PRUNE2: variants seen among roughly 807,000 people sequenced by gnomAD.
The protein encoded by PRUNE2 is prune homolog 2 with BCH domain.
In PRUNE2, 164 loss-of-function variants were observed where a neutral mutation model predicts 252.0. The observed-to-expected ratio is 0.65, with a 90% CI of 0.57 to 0.74. The LOEUF is 0.74. Ranked by LOEUF, PRUNE2 falls within the 30% of genes least tolerant of loss-of-function variation. PRUNE2 has a pLI of 0.00. For missense variants in PRUNE2, 3,495 were observed against 3,711.0 expected, an observed-to-expected ratio of 0.94 and a Z score of 1.51; for synonymous variants, 1,292 against 1,350.2, an observed-to-expected ratio of 0.96 and a Z score of 0.94.
Position 76,705,913 on chromosome 9 carries a change from G to A in PRUNE2, c.6361C>T (p.Leu2121Phe), listed in dbSNP as rs1564093562. ...SEAKQETEKH[L>F]SACMGPEVES... ...ACTTCAGGTCCCATGCAAGCACTGAGGTGCTTCTCAGTCTCTTGCTTTGCT... is the reference window on the plus strand; with the variant it reads ...ACTTCAGGTCCCATGCAAGCACTGAAGTGCTTCTCAGTCTCTTGCTTTGCT... The change falls in exon 8 of 19, where the codon CTC (leucine) becomes TTC (phenylalanine). Residue 2121 changes from leucine to phenylalanine, a missense_variant. By Grantham distance (22) the Leu-to-Phe change is conservative (BLOSUM62 0). Transcript: ENST00000376718. 1 of 1,613,794 alleles carries A rather than the reference G, an allele frequency of 6.2e-7. No individual in the cohort carries two copies. Among genetic ancestry groups the A allele is most frequent in the Non-Finnish European group, 8.5e-7 (1 of 1,179,874 alleles).
Position 76,707,303 on chromosome 9 carries a change from TA to T in PRUNE2, c.4970del (p.Leu1657GlnfsTer42). The T allele has an allele frequency of 6.2e-7, 1 of 1,613,896 alleles. No individual in the cohort carries two copies. Among genetic ancestry groups the T allele is most frequent in the Non-Finnish European group, 8.5e-7 (1 of 1,179,808 alleles). On this transcript the variant is annotated frameshift_variant, in exon 8 of 19. Coordinates refer to ENST00000376718, the MANE Select transcript of PRUNE2 (RefSeq NM_015225.3). LOFTEE classifies it high-confidence loss of function. The stretch of plus-strand genomic sequence containing the variant: ...CATTTTTCTCCTGGTAGCTAGCAAT[TA>T]GATTGCTTTCCTGATGTGTCCCTGA... ...EHSGTHQESN[L>X]IASYQEKNEH...
At chr9:76,680,399 G>A (rs960421318) in intron 9 of PRUNE2, among the ~76,000 whole-genome samples, 4 of 152,168 alleles carry the variant, frequency 2.6e-5, no homozygotes, top group Non-Finnish European at 5.9e-5. Flanking sequence ...AACAAGTGTT[G>A]GTGAGGATAC....
At chr9:76,621,857 AT>A (rs979447603) in intron 17 of PRUNE2, among the ~76,000 whole-genome samples, 1 of 151,680 alleles carries the variant, frequency 6.6e-6, no homozygotes, top group Non-Finnish European at 1.5e-5. Context: ...AATTAAAAAA[AT>A]TTTTTTTTGT....
chr9:76,685,237 G>C (rs897096120), intron 9 of PRUNE2, among the ~76,000 whole-genome samples: 1 of 152,132 alleles, frequency 6.6e-6, no homozygotes. Context: ...AAGATGCTGG[G>C]TTACACTTAG....
intron 7 of PRUNE2, among the ~76,000 whole-genome samples, 200 bp downstream of exon 7, chr9:76,713,363 A>G (rs1035743884): frequency 6.6e-6 from 1 of 152,214 alleles, no homozygotes; most frequent in Non-Finnish European, 1.5e-5. Flanking sequence ...TTCAGTCAAG[A>G]AGAGAAATGC....
rs748513986 is a variant in PRUNE2 at position 76,713,595 on chromosome 9, C to G, written c.883G>C (p.Val295Leu). The change falls in exon 7 of 19, where the codon GTG (valine) becomes CTG (leucine). Residue 295 changes from valine to leucine, a missense_variant. Val to Leu is a conservative substitution (Grantham distance 32). Transcript: ENST00000376718. ...CACAGCTCCATGTTTTCTGAGTACA[C>G]AGCAATCTGTCGTCTCGGCTGCTGC... is the stretch of plus-strand genomic sequence containing the variant. ...EEQQPRRQIA[V>L]YSENMELCSQ... 11 of 1,609,782 alleles carry G rather than the reference C, an allele frequency of 6.8e-6. No individual in the cohort carries two copies. Among genetic ancestry groups the G allele is most frequent in the Non-Finnish European group, 9.3e-6 (11 of 1,178,094 alleles).
Position 76,706,881 on chromosome 9 carries a change from A to G in PRUNE2, c.5393T>C (p.Val1798Ala). The G allele has an allele frequency of 6.3e-7, 1 of 1,595,862 alleles. No homozygotes were observed. The highest frequency in any genetic ancestry group is 8.5e-7 in the Non-Finnish European group (1 of 1,171,200). The change falls in exon 8 of 19, where the codon GTT becomes GCT. Residue 1798 changes from valine to alanine, a missense_variant. Coordinates refer to ENST00000376718, the MANE Select transcript of PRUNE2 (RefSeq NM_015225.3). The stretch of plus-strand genomic sequence containing the variant: ...AGCTTTGGGAGATATTTGCCATGCA[A>G]CATCTCCTGTTGTCCCTGTTTCTGG... ...SSPETGTTGD[V>A]AWQISPKASF... is the part of the protein sequence containing the mutation.
At chr9:76,815,976 C>G (rs1469468584) in intron 6 of PRUNE2, among the ~76,000 whole-genome samples, 1 of 151,918 alleles carries the variant, frequency 6.6e-6, no homozygotes. Context: ...GCCTGGCCAA[C>G]ATGATGAAAC....
At position 76,709,242 on chromosome 9, in the gene PRUNE2, G is replaced by A. The variant is rs763773280; in HGVS notation, c.3032C>T (p.Pro1011Leu). ...AGATGACTGTTGCAGTGACTGAGGA[G>A]GAATGTCAGTCTCCTCTGCCGTGGA... ...GNSTAEETDI[P>L]PQSLQQSSRN... The change falls in exon 8 of 19, where the codon CCT becomes CTT. Residue 1011 changes from proline (P) to leucine (L), a missense_variant. By Grantham distance (98) the Pro-to-Leu change is moderately conservative. Transcript: ENST00000376718. The A allele has an allele frequency of 1.3e-6, 2 of 1,535,768 alleles. No individual in the cohort carries two copies. Among genetic ancestry groups the A allele is most frequent in the Non-Finnish European group, 1.8e-6 (2 of 1,141,554 alleles).
intron 12 of PRUNE2, 105 bp from the exon 13 acceptor site, chr9:76,638,393 G>A: frequency 1.4e-6 from 1 of 737,498 alleles, no homozygotes; most frequent in Non-Finnish European, 2.4e-6. Flanking sequence ...TGTCTTTGTG[G>A]GTATATTAGC....
In PRUNE2 at chr9:76,705,550, G is replaced by T; in HGVS notation, c.6724C>A (p.Pro2242Thr). ...CAAGAACCGTCACCTTCTGGAGTTG[G>T]CTCTTGGTGAGTTACAAAAATGCTA... ...ATSIFVTHQEPTPEGDGSWIS... is the reference protein window; with the variant it reads ...ATSIFVTHQETTPEGDGSWIS... The change falls in exon 8 of 19, where the codon CCA (proline) becomes ACA (threonine). Residue 2242 changes from proline to threonine, a missense_variant. Physicochemically the swap from Pro to Thr is conservative, Grantham distance 38. Transcript: ENST00000376718. 6 of 1,614,026 alleles carry T rather than the reference G, an allele frequency of 3.7e-6. No homozygotes were observed. Among genetic ancestry groups the T allele is most frequent in the Non-Finnish European group, 5.1e-6 (6 of 1,179,894 alleles).
At chr9:76,767,208 T>C (rs1254781966) in intron 6 of PRUNE2, among the ~76,000 whole-genome samples, 2 of 152,134 alleles carry the variant, frequency 1.3e-5, no homozygotes, top group African/African-American at 4.8e-5. Context: ...TCCCAGCACT[T>C]TGGGAGGCCG....
intron 16 of PRUNE2, among the ~76,000 whole-genome samples, chr9:76,627,299 C>T (rs786314): frequency 6.0e-5 from 8 of 133,656 alleles, no homozygotes; most frequent in East Asian, 2.3e-4. Flanking sequence ...GATGGGGTGG[C>T]GGGGGGCTCA....
chr9:76,652,509 G>A lies in PRUNE2; in HGVS notation c.8531C>T (p.Ala2844Val). 6 of 1,613,158 alleles carry A rather than the reference G, an allele frequency of 3.7e-6. No individual in the cohort carries two copies. The highest frequency in any genetic ancestry group is 5.1e-6 in the Non-Finnish European group (6 of 1,179,230). The change falls in exon 11 of 19, where the codon GCA becomes GTA. Residue 2844 changes from alanine to valine, a missense_variant. Transcript: ENST00000376718. ...ATGGCCAGTGTACTCAAAAGAATCT[G>A]CTTCATCGGGGGTATCAAGTTCATC... Reference protein sequence around the residue: ...NVDELDTPDEADSFEYTGHDP... With the variant: ...NVDELDTPDEVDSFEYTGHDP...
At chr9:76,862,623 C>G (rs1189212096) in intron 1 of PRUNE2, 2 of 152,154 alleles carry the variant, frequency 1.3e-5, no homozygotes, top group South Asian at 4.1e-4. Context: ...CCCCGCTACA[C>G]ACACATAGCA....
intron 1 of PRUNE2, chr9:76,862,792 T>A (rs115198558): frequency 1.3e-5 from 2 of 152,208 alleles, no homozygotes; most frequent in East Asian, 3.8e-4. Context: ...TCTATGAGTG[T>A]TCTCTTTTGC....
At chr9:76,831,086 C>T (rs868360944) in intron 4 of PRUNE2, among the ~76,000 whole-genome samples, 6 of 152,094 alleles carry the variant, frequency 3.9e-5, no homozygotes, top group South Asian at 2.1e-4. Flanking sequence ...CCCGCCACCA[C>T]GCCCAGCTAA....
intron 6 of PRUNE2, among the ~76,000 whole-genome samples, chr9:76,821,939 C>G (rs182061125): frequency 6.6e-6 from 1 of 152,184 alleles, no homozygotes; most frequent in African/African-American, 2.4e-5. Flanking sequence ...ACAAGACATT[C>G]TATGTTAATT....
At chr9:76,694,358 T>G (rs2045165804) in intron 9 of PRUNE2, among the ~76,000 whole-genome samples, 1 of 152,182 alleles carries the variant, frequency 6.6e-6, no homozygotes, top group Non-Finnish European at 1.5e-5. Context: ...AATTTTTGTA[T>G]TTTTAGTAGA....
Sources: allele counts gnomAD v4.1 joint callset (sites outside exome capture counted in the v4.1 genomes callset), GRCh38; gene constraint gnomAD v4.1.1; transcripts MANE v1.5; gene names NCBI Gene and HGNC (gene_info 2026-07-23, HGNC 2026-07-21).